Variants in ICE1 observed in about 807,000 individuals in gnomAD.
ICE1 encodes the protein little elongation complex subunit 1.
Under a neutral mutation model 192.7 loss-of-function variants are expected in ICE1, and 64 were observed. That is an observed-to-expected ratio of 0.33 (90% CI 0.27 to 0.41). The LOEUF is 0.41. Among genes scored for constraint, ICE1 ranks in the 10% least tolerant of loss-of-function variants. ICE1 has a pLI of 1.00. For synonymous variants in ICE1, 1,010 were observed against 984.5 expected (o/e 1.03, Z -0.49); for missense variants, 2,708 against 2,696.0 (o/e 1.00, Z -0.10).
At chr5:5,457,236 T>C in intron 11 of ICE1, 96 bp from the exon 12 acceptor site, 1 of 1,204,460 alleles carries the variant, frequency 8.3e-7, no homozygotes, top group South Asian at 1.9e-5. Context: ...TTCAAGCATT[T>C]TGAACTGTTG....
At chr5:5,445,086 T>C (rs913437252) in intron 7 of ICE1, among the ~76,000 whole-genome samples, 5 of 152,240 alleles carry the variant, frequency 3.3e-5, no homozygotes, top group Non-Finnish European at 7.3e-5. Flanking sequence ...TATGGGTTTC[T>C]GACCCATTAT....
At position 5,460,709 on chromosome 5, in the gene ICE1, G is replaced by T. The variant is rs772768163; in HGVS notation, c.1375G>T (p.Val459Phe). The change falls in exon 13 of 19, where the codon GTT becomes TTT. Residue 459 changes from valine (V) to phenylalanine (F), a missense_variant. Val to Phe is a conservative substitution (Grantham distance 50). This residue lies in a region of ICE1 where 2,366 missense variants were observed against 2,276.6 expected (regional missense o/e 1.04). Coordinates refer to ENST00000296564, the MANE Select transcript of ICE1 (RefSeq NM_015325.3). ...AGAATCTTCTGCCACACACTCCTTA[G>T]TTGGTGAAAAACACTGGACCACAGC... Reference protein sequence around the residue: ...LRESSATHSLVGEKHWTTASR... With the variant: ...LRESSATHSLFGEKHWTTASR... The T allele has an allele frequency of 6.2e-7, 1 of 1,613,944 alleles. No homozygotes were observed. The highest frequency in any genetic ancestry group is 8.5e-7 in the Non-Finnish European group (1 of 1,179,896).
rs146220905 is a variant in ICE1 at position 5,442,210 on chromosome 5, G to A, written c.310-958G>A. 2.4e-3 allele frequency among the ~76,000 whole-genome samples: 368 copies of A among 152,226 alleles called. 2 individuals are homozygous for A. The highest frequency in any genetic ancestry group is 8.3e-3 in the African/African-American group (345 of 41,538). On this transcript the variant is annotated intron_variant, in intron 5 of 18. Transcript: ENST00000296564. Reference sequence around the variant, plus strand: ...AACATTAAAGTCCATAGATTTAAGTGGTTTGCATGAGCCAAGTAGCAGCCA... The same window carrying A: ...AACATTAAAGTCCATAGATTTAAGTAGTTTGCATGAGCCAAGTAGCAGCCA...
chr5:5,434,526 C>G (rs1485538593), intron 1 of ICE1, among the ~76,000 whole-genome samples: 1 of 152,086 alleles, frequency 6.6e-6, no homozygotes, highest in Admixed American at 6.5e-5. Flanking sequence ...TTACTGTAAT[C>G]AACAAACAAA....
At position 5,465,077 on chromosome 5, in the gene ICE1, A is replaced by G. The variant is rs772633409; in HGVS notation, c.5743A>G (p.Ile1915Val). The change falls in exon 13 of 19, where the codon ATA becomes GTA. Residue 1915 changes from isoleucine (I) to valine (V), a missense_variant. By Grantham distance (29) the Ile-to-Val change is conservative (BLOSUM62 3). Transcript: ENST00000296564. ...KETVESHDKA[I>V]ANALKKIAEF... ...AACTGTGGAGTCCCATGATAAAGCC[A>G]TAGCTAATGCCCTGAAGAAAATTGC... is the stretch of plus-strand genomic sequence containing the variant. 4 of 1,613,912 alleles carry G rather than the reference A, an allele frequency of 2.5e-6. No homozygotes were observed. The South Asian group carries it at 3.3e-5, about 13-fold the overall frequency.
chr5:5,457,603 T>C lies in ICE1; in HGVS notation c.963T>C (p.Asp321=). The change falls in exon 12 of 19, where the codon GAT becomes GAC. Residue 321 remains aspartate (D), a synonymous_variant. Transcript: ENST00000296564. ...ACGGTGGTAGTACTGAATTTGTTGA[T>C]CATGATCATTTTTTTGATGAAGATC... The part of the protein sequence containing the change: ...HRDGGSTEFV[D]HDHFFDEDLQ... 2 of 1,613,970 alleles carry C rather than the reference T, an allele frequency of 1.2e-6. No homozygotes were observed. The highest frequency in any genetic ancestry group is 1.7e-6 in the Non-Finnish European group (2 of 1,179,876).
At chr5:5,437,638 C>A (rs1737910080) in intron 3 of ICE1, 1 of 152,890 alleles carries the variant, frequency 6.5e-6, no homozygotes, top group African/African-American at 2.4e-5. Flanking sequence ...AATTCTTGGC[C>A]TTACAGTCAC....
chr5:5,429,660 C>T (rs1037376443), intron 1 of ICE1, among the ~76,000 whole-genome samples: 2 of 152,286 alleles, frequency 1.3e-5, no homozygotes, highest in Middle Eastern at 3.4e-3. Context: ...ACTACCTTAG[C>T]ATAACCATTT....
intron 2 of ICE1, 132 bp downstream of exon 2, chr5:5,436,608 A>G (rs1434569787): frequency 2.1e-6 from 1 of 477,890 alleles, no homozygotes; most frequent in East Asian, 3.5e-5. Context: ...CATGGTACTG[A>G]TTATAATTCC....
At chr5:5,427,734 A>G (rs1737567016) in intron 1 of ICE1, among the ~76,000 whole-genome samples, 1 of 152,204 alleles carries the variant, frequency 6.6e-6, no homozygotes. Flanking sequence ...TAATTCATTC[A>G]TTTGCCAAAC....
intron 1 of ICE1, among the ~76,000 whole-genome samples, chr5:5,429,558 G>T (rs1414204136): frequency 6.6e-6 from 1 of 152,202 alleles, no homozygotes; most frequent in Non-Finnish European, 1.5e-5. Flanking sequence ...TTAAGAAACT[G>T]TCTTCTCTTA....
intron 1 of ICE1, among the ~76,000 whole-genome samples, chr5:5,429,905 G>A (rs1737647913): frequency 1.3e-5 from 2 of 152,170 alleles, no homozygotes; most frequent in Admixed American, 6.5e-5. Context: ...TAAGAGAGTG[G>A]GCTGCTCTGG....
Position 5,460,424 on chromosome 5 carries a change from A to T in ICE1, c.1102-12A>T, listed in dbSNP as rs368708364. The stretch of plus-strand genomic sequence containing the variant: ...AATTAGTGTTTGACAAGTGTAATTC[A>T]TATTTTTTAAGGAAACCTACTTTGG... On this transcript the variant is annotated splice_polypyrimidine_tract_variant and intron_variant, in intron 12 of 18. Coordinates refer to ENST00000296564, the MANE Select transcript of ICE1 (RefSeq NM_015325.3). 1 of 1,463,214 alleles carries T rather than the reference A, an allele frequency of 6.8e-7. No individual in the cohort carries two copies. The highest frequency in any genetic ancestry group is 2.3e-5 in the East Asian group (1 of 43,546). The allele number at this position is 1,463,214 out of a possible 1,614,324, so 90.6% of individuals were successfully genotyped here.
intron 1 of ICE1, among the ~76,000 whole-genome samples, chr5:5,427,426 A>G (rs1379139283): frequency 6.6e-6 from 1 of 152,212 alleles, no homozygotes; most frequent in African/African-American, 2.4e-5. Flanking sequence ...TATTCTGATG[A>G]AGGAGAGGCC....
Position 5,463,997 on chromosome 5 carries a change from C to A in ICE1, c.4663C>A (p.Arg1555=), listed in dbSNP as rs1738891081. The stretch of plus-strand genomic sequence containing the variant: ...AGAGCCATCTGGCAAAAATAAGAAT[C>A]GATCAAAGATTTCAAACAAAGATCA... The part of the protein sequence containing the change: ...KLEPSGKNKN[R]SKISNKDQSN... Residue 1555 remains arginine, a synonymous_variant, in exon 13 of 19, where the codon CGA becomes AGA. Coordinates refer to ENST00000296564, the MANE Select transcript of ICE1 (RefSeq NM_015325.3). 1.2e-6 allele frequency: 2 copies of A among 1,613,502 alleles called. No homozygotes were observed. The highest frequency in any genetic ancestry group is 1.7e-6 in the Non-Finnish European group (2 of 1,179,782).
At chr5:5,440,082 CCTA>C (rs751049794) in intron 4 of ICE1, among the ~76,000 whole-genome samples, 169 bp downstream of exon 4, 3 of 151,756 alleles carry the variant, frequency 2.0e-5, no homozygotes, top group African/African-American at 2.4e-5. Flanking sequence ...CTCAAGTTCT[CCTA>C]CTATTAAATT....
chr5:5,434,820 A>G (rs1439476733), intron 1 of ICE1, among the ~76,000 whole-genome samples: 1 of 152,306 alleles, frequency 6.6e-6, no homozygotes, highest in African/African-American at 2.4e-5. Flanking sequence ...CAATATGTTT[A>G]TTTTAGTCTA....
Position 5,467,876 on chromosome 5 carries a change from C to G in ICE1, c.6062-952C>G, listed in dbSNP as rs189347962. On this transcript the variant is annotated intron_variant, in intron 14 of 18. Transcript: ENST00000296564. ...CAGTTTCTTATGAAATTAAAACATT[C>G]ATTTATCCTATGGCTCAGAAATTCC... Among the ~76,000 whole-genome samples, 846 of 152,310 alleles carry G rather than the reference C, an allele frequency of 5.6e-3. 4 individuals are homozygous for G. The highest frequency in any genetic ancestry group is 8.6e-3 in the Non-Finnish European group (588 of 68,020).
chr5:5,423,941 A>G (rs1338347884), intron 1 of ICE1, among the ~76,000 whole-genome samples: 2 of 152,208 alleles, frequency 1.3e-5, no homozygotes, highest in East Asian at 3.9e-4. Context: ...ATGTTGGAAT[A>G]TTGGTCTTGT....
Sources: allele counts gnomAD v4.1 joint callset (sites outside exome capture counted in the v4.1 genomes callset), GRCh38; gene constraint gnomAD v4.1.1; regional missense constraint gnomAD v4.1.1; transcripts MANE v1.5; gene names NCBI Gene and HGNC (gene_info 2026-07-23, HGNC 2026-07-21).